The following TLL1 variants were observed in gnomAD, a reference collection of about 807,000 sequenced individuals.
TLL1 encodes the protein tolloid like 1, also known as tolloid-like protein 1.
In TLL1, 49 loss-of-function variants were observed where a neutral mutation model predicts 128.2. The observed-to-expected ratio is 0.38, with a 90% confidence interval of 0.30 to 0.48. The LOEUF (loss-of-function observed/expected upper bound fraction) is 0.48, where lower values mean the gene tolerates loss of function less well. Among genes scored for constraint, TLL1 ranks in the 20% least tolerant of loss-of-function variants. The probability of loss-of-function intolerance (pLI) is 0.96; values close to 1 mark genes in which losing one functional copy is unlikely to be tolerated. For missense variants in TLL1, 1,123 were observed against 1,242.0 expected (o/e 0.90, Z 1.44); for synonymous variants, 454 against 418.8 (o/e 1.08, Z -1.03).
rs137852952 is a variant in TLL1, at chr4:166,003,471, T to C, written c.713T>C (p.Val238Ala). 641 of 1,614,062 alleles carry C rather than the reference T, an allele frequency of 4.0e-4. No homozygotes were observed. Among genetic ancestry groups the C allele is most frequent in the Non-Finnish European group, 5.2e-4 (612 of 1,179,962 alleles). Residue 238 changes from valine to alanine, a missense_variant, in exon 6 of 21, where the codon GTT becomes GCT. By Grantham distance (64) the Val-to-Ala change is moderately conservative. This residue lies in a region of TLL1 where 480 missense variants were observed against 542.4 expected (regional missense o/e 0.89). Transcript: ENST00000061240. ...IGKNCDKFGI[V>A]VHELGHVIGF... ...AAGAACTGTGATAAATTTGGGATTG[T>C]TGTTCATGAATTGGGTCATGTGATA...
chr4:165,899,590 T>C (rs925713555), intron 1 of TLL1, among the ~76,000 whole-genome samples: 1 of 152,176 alleles, frequency 6.6e-6, no homozygotes, highest in Non-Finnish European at 1.5e-5. Flanking sequence ...TGAGAGACCA[T>C]TTGTTATGAT....
chr4:165,919,270 C>G lies in TLL1; in HGVS notation c.169+45197C>G, dbSNP rs560030440. Among the ~76,000 whole-genome samples the G allele has an allele frequency of 2.0e-5, 3 of 150,988 alleles. No individual in the cohort carries two copies. The East Asian group carries it at 5.9e-4, about 30-fold the overall frequency. ...TGTTGGTGTGCACCTGTAGTCCCAA[C>G]TACTTGGGAGGCTGAAGCAGGAGGA... On this transcript the variant is annotated intron_variant, in intron 1 of 20. Transcript: ENST00000061240.
At chr4:165,967,245 C>T (rs1408275722) in intron 1 of TLL1, among the ~76,000 whole-genome samples, 1 of 152,130 alleles carries the variant, frequency 6.6e-6, no homozygotes, top group African/African-American at 2.4e-5. Flanking sequence ...CTTTGGATGC[C>T]CAGATTTCAT....
chr4:165,982,797 T>C (rs1736212486), intron 1 of TLL1, among the ~76,000 whole-genome samples: 1 of 150,402 alleles, frequency 6.6e-6, no homozygotes, highest in African/African-American at 2.4e-5. Context: ...GATCAAGATT[T>C]ACTCCAAGAC....
chr4:165,905,628 G>A (rs1199131540), intron 1 of TLL1, among the ~76,000 whole-genome samples: 2 of 151,992 alleles, frequency 1.3e-5, no homozygotes, highest in African/African-American at 4.8e-5. Flanking sequence ...CTGTTTACTG[G>A]CATGCCCTGC....
At chr4:165,931,715 TCTC>T (rs2110906771) in intron 1 of TLL1, among the ~76,000 whole-genome samples, 1 of 66,392 alleles carries the variant, frequency 1.5e-5, no homozygotes, top group Non-Finnish European at 3.3e-5. Flanking sequence ...TAAGACTCTG[TCTC>T]AAAAGAAAAA....
At chr4:165,957,856 T>TC (rs1358212182) in intron 1 of TLL1, among the ~76,000 whole-genome samples, 12 of 78,692 alleles carry the variant, frequency 1.5e-4, no homozygotes, top group Admixed American at 3.3e-4. Flanking sequence ...ATGCTATCCC[T>TC]CCCCCCTCCC....
intron 5 of TLL1, among the ~76,000 whole-genome samples, chr4:165,996,651 C>T (rs2111022100): frequency 6.6e-6 from 1 of 152,048 alleles, no homozygotes; most frequent in African/African-American, 2.4e-5. Context: ...GTACATTGTG[C>T]ATATTCCTCA....
intron 18 of TLL1, among the ~76,000 whole-genome samples, chr4:166,084,477 C>A (rs931081895): frequency 3.9e-5 from 6 of 152,142 alleles, no homozygotes; most frequent in Non-Finnish European, 5.9e-5. Flanking sequence ...TGTCATGGAA[C>A]TTTTCCCTAT....
chr4:165,938,485 C>G lies in TLL1; in HGVS notation c.170-50896C>G, dbSNP rs1733863094. On this transcript the variant is annotated intron_variant, in intron 1 of 20. Coordinates refer to ENST00000061240, the MANE Select transcript of TLL1 (RefSeq NM_012464.5). The stretch of plus-strand genomic sequence containing the variant: ...CATTATTTCTTTGAAATTTTCTCTT[C>G]CTTTCCTTAATTTTCTAATTTTACA... 2.0e-5 allele frequency among the ~76,000 whole-genome samples: 3 copies of G among 152,202 alleles called. No individual in the cohort carries two copies. In the East Asian group the frequency reaches 5.8e-4, roughly 29 times the overall value.
chr4:166,052,225 C>A (rs1739776181), intron 12 of TLL1, among the ~76,000 whole-genome samples: 1 of 152,024 alleles, frequency 6.6e-6, no homozygotes, highest in African/African-American at 2.4e-5. Context: ...AATTAAAACC[C>A]TTTTTAATTA....
intron 5 of TLL1, among the ~76,000 whole-genome samples, chr4:165,999,966 A>G (rs1034608121): frequency 2.0e-5 from 3 of 152,212 alleles, no homozygotes; most frequent in Non-Finnish European, 4.4e-5. Flanking sequence ...TGGTCTACCA[A>G]ATAATGTTCC....
At chr4:165,976,902 G>C (rs544443320) in intron 1 of TLL1, among the ~76,000 whole-genome samples, 1 of 152,086 alleles carries the variant, frequency 6.6e-6, no homozygotes, top group Admixed American at 6.5e-5. Context: ...AAAACATTAT[G>C]CGGTTTTTTT....
At chr4:166,066,931 A>G (rs1740599604) in intron 16 of TLL1, among the ~76,000 whole-genome samples, 1 of 151,834 alleles carries the variant, frequency 6.6e-6, no homozygotes, top group South Asian at 2.1e-4. Context: ...TCACTATTTT[A>G]TAAATATTAT....
At chr4:166,095,453 T>C (rs1161184635) in intron 19 of TLL1, among the ~76,000 whole-genome samples, 1 of 152,018 alleles carries the variant, frequency 6.6e-6, no homozygotes, top group East Asian at 1.9e-4. Flanking sequence ...AGGATATGGC[T>C]ACAAAACAGA....
chr4:166,086,730 G>T (rs1296202663), intron 18 of TLL1, among the ~76,000 whole-genome samples: 1 of 152,036 alleles, frequency 6.6e-6, no homozygotes, highest in East Asian at 1.9e-4. Flanking sequence ...AGGATTCAAA[G>T]GGAGGAGAAT....
chr4:166,035,836 G>A (rs899168810), intron 9 of TLL1, among the ~76,000 whole-genome samples: 3 of 152,048 alleles, frequency 2.0e-5, no homozygotes, highest in Admixed American at 6.6e-5. Flanking sequence ...GAATGGTCCC[G>A]ATAGAACTTT....
At chr4:166,098,795 T>G (rs1030209946) in intron 19 of TLL1, among the ~76,000 whole-genome samples, 1 of 152,136 alleles carries the variant, frequency 6.6e-6, no homozygotes, top group Non-Finnish European at 1.5e-5. Context: ...TTCTTTGCAT[T>G]TGGGGTTCTT....
At chr4:166,054,166 C>T (rs894939965) in intron 12 of TLL1, among the ~76,000 whole-genome samples, 1 of 143,924 alleles carries the variant, frequency 6.9e-6, no homozygotes, top group African/African-American at 2.6e-5. Flanking sequence ...AAGCCTCATC[C>T]AAACAAGGCC....
Sources: allele counts gnomAD v4.1 joint callset (sites outside exome capture counted in the v4.1 genomes callset), GRCh38; gene constraint gnomAD v4.1.1; regional missense constraint gnomAD v4.1.1; transcripts MANE v1.5; gene names NCBI Gene and HGNC (gene_info 2026-07-23, HGNC 2026-07-21).